Variants in SRP68 observed in about 807,000 individuals in gnomAD.
SRP68 encodes the protein signal recognition particle 68, also known as signal recognition particle subunit SRP68.
SRP68 carries 15 observed loss-of-function variants against 82.2 expected under a neutral mutation model. The observed-to-expected ratio is 0.18, with a 90% CI of 0.12 to 0.28. The LOEUF (loss-of-function observed/expected upper bound fraction) is 0.28, where lower values mean the gene tolerates loss of function less well. Among genes scored for constraint, SRP68 ranks in the 10% least tolerant of loss-of-function variants. The pLI, the probability that SRP68 is intolerant of heterozygous loss-of-function variation, is 1.00. For missense variants in SRP68, 595 were observed against 780.5 expected, an observed-to-expected ratio of 0.76 and a Z score of 2.83; for synonymous variants, 261 against 292.6, an observed-to-expected ratio of 0.89 and a Z score of 1.10.
chr17:76,053,479 C>A, intron 8 of SRP68: 1 of 985,334 alleles, frequency 1.0e-6, no homozygotes, highest in Non-Finnish European at 1.2e-6. Context: ...CTTTTCCTGT[C>A]GGTAGGGTAC....
chr17:76,072,510 A>C lies in SRP68; in HGVS notation c.-19T>G. On this transcript the variant is annotated 5_prime_UTR_variant, in exon 1 of 16. Transcript: ENST00000307877. The surrounding 1 kb of genome is among the most constrained non-coding windows in gnomAD (Gnocchi z 4.5). ...CAGCCATCTTGCCCCTGCGCCGCAG[A>C]GCAAGACGGGATAGGGGAGGCGGGA... 1.3e-6 allele frequency: 2 copies of C among 1,578,038 alleles called. No individual in the cohort carries two copies. The highest frequency in any genetic ancestry group is 1.7e-6 in the Non-Finnish European group (2 of 1,171,878).
At chr17:76,060,976 C>G in intron 6 of SRP68, 134 bp downstream of exon 6, 4 of 688,404 alleles carry the variant, frequency 5.8e-6, no homozygotes, top group African/African-American at 1.8e-5. Context: ...TTGCCATCAA[C>G]CAAAACTCAG....
chr17:76,061,730 G>A, intron 4 of SRP68, 156 bp from the exon 5 acceptor site: 1 of 531,082 alleles, frequency 1.9e-6, no homozygotes, highest in Non-Finnish European at 3.4e-6. Flanking sequence ...GGAGGCCCAG[G>A]TGGGAGGATC....
In SRP68 at chr17:76,069,775, G is replaced by GA. The variant is rs527828363; in HGVS notation, c.251+602dup. Among the ~76,000 whole-genome samples the GA allele has an allele frequency of 5.6e-3, 756 of 135,754 alleles. 2 individuals are homozygous for GA. Among genetic ancestry groups the GA allele is most frequent in the South Asian group, 0.026 (113 of 4,288 alleles). 89.1% of individuals were successfully genotyped at this position (135,754 alleles called of 152,430 possible). ...CTACCAGGGTATAGATTATTTAAAA[G>GA]AAAAAAAAAAAAAGAAATAGGCCAG... On this transcript the variant is annotated intron_variant, in intron 2 of 15. Transcript: ENST00000307877.
chr17:76,056,550 G>A (rs1287908479), intron 8 of SRP68, among the ~76,000 whole-genome samples: 1 of 152,154 alleles, frequency 6.6e-6, no homozygotes, highest in Non-Finnish European at 1.5e-5. Flanking sequence ...CACAGACAAG[G>A]ACACACATCA....
chr17:76,070,546 A>G (rs2066843205), intron 1 of SRP68, 102 bp from the exon 2 acceptor site: 1 of 1,014,402 alleles, frequency 9.9e-7, no homozygotes, highest in Non-Finnish European at 1.5e-6. Flanking sequence ...CACATTAAAC[A>G]TTTGTGAAAT....
At chr17:76,044,162 T>C (rs1480273245) in intron 12 of SRP68, among the ~76,000 whole-genome samples, 1 of 152,146 alleles carries the variant, frequency 6.6e-6, no homozygotes, top group Non-Finnish European at 1.5e-5. Context: ...GATGCCCAGG[T>C]AGGCCCAACA....
rs1231345263 is a variant in SRP68 at position 76,057,432 on chromosome 17, G to C, written c.949C>G (p.Leu317Val). 1 of 1,614,144 alleles carries C rather than the reference G, an allele frequency of 6.2e-7. No homozygotes were observed. The highest frequency in any genetic ancestry group is 8.5e-7 in the Non-Finnish European group (1 of 1,180,040). Reference sequence around the variant, plus strand: ...ACAATAGCTGCTTCGTTATCAGCCAGTCCTAATAAGAAAATGCGCACTTTG... The same window carrying C: ...ACAATAGCTGCTTCGTTATCAGCCACTCCTAATAAGAAAATGCGCACTTTG... ...IDKVRIFLLG[L>V]ADNEAAIVQA... The change falls in exon 8 of 16, where the codon CTG becomes GTG. Residue 317 changes from leucine (L) to valine (V), a missense_variant. By Grantham distance (32) the Leu-to-Val change is conservative. This residue lies in a region of SRP68 where 495 missense variants were observed against 688.6 expected (regional missense o/e 0.72). Coordinates refer to ENST00000307877, the MANE Select transcript of SRP68 (RefSeq NM_014230.4).
At chr17:76,062,677 AAT>A (rs2066769653) in intron 4 of SRP68, among the ~76,000 whole-genome samples, 1 of 37,162 alleles carries the variant, frequency 2.7e-5, no homozygotes, top group South Asian at 5.0e-4. Flanking sequence ...TACATTATAT[AAT>A]ATATAATATA....
chr17:76,043,035 A>G (rs936526907), intron 13 of SRP68, among the ~76,000 whole-genome samples: 1 of 152,104 alleles, frequency 6.6e-6, no homozygotes, highest in African/African-American at 2.4e-5. Context: ...GGACTGCTTG[A>G]GGCCAGGAGT....
Position 76,067,297 on chromosome 17 carries a change from T to C in SRP68, c.285A>G (p.Arg95=). Residue 95 remains arginine, a synonymous_variant, in exon 3 of 16, where the codon CGA becomes CGG. Coordinates refer to ENST00000307877, the MANE Select transcript of SRP68 (RefSeq NM_014230.4). ...GYCSRRQRRL[R]KTLNFKMGNR... ...TACCCATCTTGAAGTTGAGTGTTTT[T>C]CGAAGACGTCTTTGTCTACGGGAAC... is the stretch of plus-strand genomic sequence containing the variant. 6.2e-7 allele frequency: 1 copy of C among 1,613,494 alleles called. No homozygotes were observed. The highest frequency in any genetic ancestry group is 2.2e-5 in the East Asian group (1 of 44,878).
intron 8 of SRP68, 67 bp from the exon 9 acceptor site, chr17:76,050,593 G>T: frequency 1.8e-6 from 2 of 1,127,048 alleles, no homozygotes; most frequent in Non-Finnish European, 1.3e-6. Flanking sequence ...AATGGGAGAG[G>T]AGCAAAATCG....
At chr17:76,063,689 A>ACC (rs2066786323) in intron 4 of SRP68, among the ~76,000 whole-genome samples, 1 of 145,902 alleles carries the variant, frequency 6.9e-6, no homozygotes, top group African/African-American at 2.5e-5. Context: ...CTCTGTCTGA[A>ACC]AAAAAAAAAA....
At chr17:76,041,501 T>C (rs2066590034) in intron 13 of SRP68, 1 of 152,584 alleles carries the variant, frequency 6.6e-6, no homozygotes, top group Admixed American at 6.5e-5. Flanking sequence ...GCTTGGCATA[T>C]TGGGAATGAC....
At chr17:76,043,081 T>C (rs1483515298) in intron 13 of SRP68, among the ~76,000 whole-genome samples, 1 of 151,604 alleles carries the variant, frequency 6.6e-6, no homozygotes, top group African/African-American at 2.4e-5. Context: ...CTGGGCAACA[T>C]AGTGAGACCC....
chr17:76,067,684 C>T (rs2066817685), intron 2 of SRP68, among the ~76,000 whole-genome samples: 1 of 152,076 alleles, frequency 6.6e-6, no homozygotes, highest in Admixed American at 6.5e-5. Flanking sequence ...AGGCTGGTCT[C>T]GAAATCCTTG....
chr17:76,072,417 G>A lies in SRP68; in HGVS notation c.75C>T (p.Gly25=), dbSNP rs1555630560. The A allele has an allele frequency of 2.5e-6, 4 of 1,583,588 alleles. No homozygotes were observed. Among genetic ancestry groups the A allele is most frequent in the African/African-American group, 2.7e-5 (2 of 73,684 alleles). ...GSGGGGGSGG[G]GSGGGRGAGG... ...CGGCACCACGTCCACCGCCGCTACC[G>A]CCGCCGCCACTGCCACCGCCGCCGC... The change falls in exon 1 of 16, where the codon GGC becomes GGT. Residue 25 remains glycine (G), a synonymous_variant. Coordinates refer to ENST00000307877, the MANE Select transcript of SRP68 (RefSeq NM_014230.4). The surrounding 1 kb of genome is among the most constrained non-coding windows in gnomAD (Gnocchi z 4.5).
chr17:76,072,148 ACC>A lies in SRP68; in HGVS notation c.184+158_184+159del. On this transcript the variant is annotated intron_variant, in intron 1 of 15. Transcript: ENST00000307877. This position sits in a 1 kb window ranked among gnomAD's most constrained non-coding sequence, Gnocchi z 4.5. ...CGAGGAAAGACTAGTCGAGAGACAG[ACC>A]CCCCCCGGAATTCTGAGCACCAAAA... The A allele has an allele frequency of 7.9e-7, 1 of 1,264,140 alleles. No homozygotes were observed. The highest frequency in any genetic ancestry group is 1.1e-6 in the Non-Finnish European group (1 of 927,264). The allele number at this position is 1,264,140 out of a possible 1,614,324, so 78.3% of individuals were successfully genotyped here. A position where few individuals can be genotyped will look rare whatever the true frequency, so the allele number is the denominator to read the frequency against.
intron 3 of SRP68, among the ~76,000 whole-genome samples, chr17:76,064,623 C>T (rs984337468): frequency 3.9e-5 from 6 of 151,912 alleles, no homozygotes; most frequent in Non-Finnish European, 7.4e-5. Context: ...GGCATATCAC[C>T]TGAGGTCAGG....
Sources: gnomAD v4.1 joint callset for allele counts (sites outside exome capture counted in the v4.1 genomes callset) on GRCh38, gnomAD v4.1.1 for gene constraint, gnomAD v4.1.1 regional missense constraint, Gnocchi (gnomAD v3.1) non-coding constraint, MANE v1.5 for transcripts, NCBI Gene and HGNC (gene_info 2026-07-23, HGNC 2026-07-21) for gene names.